The following SEPTIN2 variants were observed in gnomAD, a reference collection of about 807,000 sequenced individuals.
SEPTIN2 encodes the protein septin-2.
Under a neutral mutation model 46.5 loss-of-function variants are expected in SEPTIN2, and 34 were observed. The ratio of observed to expected loss-of-function variants is 0.73; its 90% CI spans 0.56 to 0.97. The LOEUF (loss-of-function observed/expected upper bound fraction) is 0.97. Ranked by LOEUF, SEPTIN2 falls within the 50% of genes least tolerant of loss-of-function variation. SEPTIN2 has a pLI of 0.00. For missense variants in SEPTIN2, 347 were observed against 448.4 expected (o/e 0.77, Z 2.04); for synonymous variants, 175 against 153.4 (o/e 1.14, Z -1.04).
chr2:241,329,423 T>G (rs1323244283), intron 3 of SEPTIN2, among the ~76,000 whole-genome samples: 1 of 152,180 alleles, frequency 6.6e-6, no homozygotes, highest in East Asian at 1.9e-4. Flanking sequence ...TACACAGACA[T>G]CTTCATGAAA....
At chr2:241,318,886 C>T (rs1434118494) in intron 1 of SEPTIN2, among the ~76,000 whole-genome samples, 3 of 151,628 alleles carry the variant, frequency 2.0e-5, no homozygotes, top group Admixed American at 6.6e-5. Context: ...TTGGTAGAGA[C>T]GGGGTTTCAC....
intron 10 of SEPTIN2, among the ~76,000 whole-genome samples, chr2:241,346,895 G>A (rs1035219216): frequency 2.0e-5 from 3 of 152,210 alleles, no homozygotes; most frequent in Admixed American, 2.0e-4. Context: ...CAGGATGAGT[G>A]GCATCCAAGC....
intron 4 of SEPTIN2, chr2:241,335,553 G>T (rs189157067): frequency 1.1e-5 from 7 of 620,824 alleles, no homozygotes; most frequent in Admixed American, 2.9e-5. Flanking sequence ...ATAGATGTTC[G>T]AATTCATCTA....
chr2:241,348,353 G>A (rs1176592708), intron 11 of SEPTIN2, among the ~76,000 whole-genome samples, 162 bp downstream of exon 11: 1 of 151,994 alleles, frequency 6.6e-6, no homozygotes, highest in African/African-American at 2.4e-5. Flanking sequence ...TCAGCCTCCC[G>A]AGTAGCTGGG....
intron 6 of SEPTIN2, 39 bp from the exon 7 acceptor site, chr2:241,337,634 T>C: frequency 1.3e-6 from 2 of 1,562,466 alleles, no homozygotes; most frequent in South Asian, 1.2e-5. Flanking sequence ...TTTGTATGTA[T>C]TTTTTTTAAA....
At chr2:241,339,814 C>T (rs1213367837) in intron 7 of SEPTIN2, among the ~76,000 whole-genome samples, 2 of 152,144 alleles carry the variant, frequency 1.3e-5, no homozygotes, top group African/African-American at 4.8e-5. Flanking sequence ...ATCTCCATCC[C>T]CTGCTCTGCT....
chr2:241,322,896 A>G (rs56663202), intron 1 of SEPTIN2, among the ~76,000 whole-genome samples: 24,627 of 152,180 alleles, frequency 0.16, 2,481 homozygotes, highest in East Asian at 0.4. Flanking sequence ...GGAAGTATGT[A>G]TCCGTGTGTA....
intron 3 of SEPTIN2, among the ~76,000 whole-genome samples, chr2:241,328,174 C>G (rs2078314979): frequency 6.6e-6 from 1 of 152,250 alleles, no homozygotes; most frequent in African/African-American, 2.4e-5. Context: ...ATGGCTCATG[C>G]CTGTAATCCC....
At chr2:241,338,840 TAAATATA>T (rs1452018103) in intron 7 of SEPTIN2, among the ~76,000 whole-genome samples, 1 of 98,608 alleles carries the variant, frequency 1.0e-5, no homozygotes, top group African/African-American at 4.8e-5. Flanking sequence ...ATATATATAA[TAAATATA>T]TAATATATAT....
chr2:241,330,103 T>TA, intron 3 of SEPTIN2, among the ~76,000 whole-genome samples: 1 of 152,208 alleles, frequency 6.6e-6, no homozygotes, highest in East Asian at 1.9e-4. Flanking sequence ...TTTTTACATA[T>TA]ACACGAGCTA....
At chr2:241,316,537 G>T in intron 1 of SEPTIN2, 3 of 1,521,974 alleles carry the variant, frequency 2.0e-6, no homozygotes, top group Non-Finnish European at 2.6e-6. Flanking sequence ...GAGAGGCGAC[G>T]AAGGTCTGCA....
In SEPTIN2 at chr2:241,335,226, T is replaced by C. The variant is rs1559629811; in HGVS notation, c.217+14T>C. Reference sequence around the variant, plus strand: ...CTGGAGCAGCAGGTAAAAACATTCTTATGTTACTGTAAGTGTAATTCTACA... The same window carrying C: ...CTGGAGCAGCAGGTAAAAACATTCTCATGTTACTGTAAGTGTAATTCTACA... On this transcript the variant is annotated intron_variant, in intron 4 of 12. Transcript: ENST00000391971. 6.2e-7 allele frequency: 1 copy of C among 1,609,742 alleles called. No homozygotes were observed. The highest frequency in any genetic ancestry group is 8.5e-7 in the Non-Finnish European group (1 of 1,177,080).
intron 3 of SEPTIN2, among the ~76,000 whole-genome samples, chr2:241,328,149 A>G (rs2078309431): frequency 1.3e-5 from 2 of 152,172 alleles, no homozygotes; most frequent in African/African-American, 4.8e-5. Flanking sequence ...GGAATAACAT[A>G]ACTGGTCGGG....
chr2:241,353,986 A>G lies in SEPTIN2; in HGVS notation c.*2049A>G, dbSNP rs2060955097. ...ACACAGCAATTTTGTATCCATTTAA[A>G]CTAACCTTTTATCAATAAAGCACTA... On this transcript the variant is annotated 3_prime_UTR_variant, in exon 13 of 13. Coordinates refer to ENST00000391971, the MANE Select transcript of SEPTIN2 (RefSeq NM_004404.5). 1 of 152,244 alleles carries G rather than the reference A, an allele frequency of 6.6e-6. No homozygotes were observed. The highest frequency in any genetic ancestry group is 6.5e-5 in the Admixed American group (1 of 15,284). 9.4% of individuals were successfully genotyped at this position (152,244 alleles called of 1,614,324 possible). A position where few individuals can be genotyped will look rare whatever the true frequency, so the allele number is the denominator to read the frequency against.
chr2:241,350,128 T>C lies in SEPTIN2; in HGVS notation c.1040T>C (p.Met347Thr), dbSNP rs1279883322. ...ARMQAQMQMQ[M>T]QGGDGDGGAL... The stretch of plus-strand genomic sequence containing the variant: ...ATGCAGGCGCAGATGCAGATGCAGA[T>C]GCAGGGCGGGGATGGCGATGGCGGG... The change falls in exon 12 of 13, where the codon ATG becomes ACG. Residue 347 changes from methionine (M) to threonine (T), a missense_variant. Transcript: ENST00000391971. 2.5e-6 allele frequency: 4 copies of C among 1,613,996 alleles called. No individual in the cohort carries two copies. In the African/African-American group the frequency reaches 5.3e-5, roughly 22 times the overall value.
intron 11 of SEPTIN2, among the ~76,000 whole-genome samples, chr2:241,349,279 G>A (rs986740431): frequency 2.0e-5 from 3 of 151,702 alleles, no homozygotes; most frequent in African/African-American, 4.8e-5. Context: ...TGAGGCAGAA[G>A]GATCCCCTGA....
intron 1 of SEPTIN2, among the ~76,000 whole-genome samples, chr2:241,318,805 A>T (rs1037735897): frequency 2.0e-5 from 3 of 150,102 alleles, no homozygotes; most frequent in Admixed American, 6.7e-5. Context: ...GGTTCAAGTG[A>T]TTCTGCCTCA....
intron 1 of SEPTIN2, chr2:241,316,430 G>C (rs527916966): frequency 1.3e-5 from 17 of 1,284,066 alleles, no homozygotes; most frequent in African/African-American, 1.5e-5. Context: ...AGGCGTGGAG[G>C]ACTGGCCAGC....
intron 10 of SEPTIN2, 93 bp downstream of exon 10, chr2:241,346,342 T>TTGCTTAATGGTC: frequency 1.2e-6 from 1 of 858,554 alleles, no homozygotes; most frequent in Non-Finnish European, 1.8e-6. Flanking sequence ...TCTTGACCAT[T>TTGCTTAATGGTC]AAGCAACATG....
Sources: allele counts gnomAD v4.1 joint callset (sites outside exome capture counted in the v4.1 genomes callset), GRCh38; gene constraint gnomAD v4.1.1; transcripts MANE v1.5; gene names NCBI Gene and HGNC (gene_info 2026-07-23, HGNC 2026-07-21).